Variants in ZNF609 observed in about 807,000 individuals in gnomAD.
ZNF609 encodes zinc finger protein 609.
In ZNF609, 11 loss-of-function variants were observed where a neutral mutation model predicts 109.5. The ratio of observed to expected loss-of-function variants is 0.10; its 90% CI spans 0.06 to 0.17. The LOEUF (loss-of-function observed/expected upper bound fraction) is 0.17, where lower values mean the gene tolerates loss of function less well. Among genes scored for constraint, ZNF609 ranks in the 10% least tolerant of loss-of-function variants. ZNF609 has a pLI of 1.00. For synonymous variants in ZNF609, 646 were observed against 662.0 expected, an observed-to-expected ratio of 0.98 and a Z score of 0.37; for missense variants, 1,559 against 1,772.4, an observed-to-expected ratio of 0.88 and a Z score of 2.16.
intron 3 of ZNF609, among the ~76,000 whole-genome samples, chr15:64,642,498 A>G (rs534669336): frequency 6.7e-6 from 1 of 149,846 alleles, no homozygotes; most frequent in African/African-American, 2.5e-5. Flanking sequence ...ATGACAGTTT[A>G]AAAAAAAAAG....
intron 2 of ZNF609, among the ~76,000 whole-genome samples, chr15:64,522,742 C>T (rs1893910313): frequency 6.6e-6 from 1 of 152,142 alleles, no homozygotes; most frequent in Non-Finnish European, 1.5e-5. Flanking sequence ...GATGAGCTTG[C>T]TCAAGACATA....
chr15:64,579,108 T>TTTA (rs945907564), intron 2 of ZNF609, among the ~76,000 whole-genome samples: 4 of 152,158 alleles, frequency 2.6e-5, no homozygotes, highest in Admixed American at 1.3e-4. Context: ...TTGCTATTTT[T>TTTA]TTATGTCTTT....
chr15:64,579,518 C>G (rs557888854), intron 2 of ZNF609, among the ~76,000 whole-genome samples: 1 of 151,992 alleles, frequency 6.6e-6, no homozygotes, highest in African/African-American at 2.4e-5. Flanking sequence ...CGATACTAGC[C>G]TGGCCAACAT....
chr15:64,639,336 A>C (rs535330787), intron 3 of ZNF609, among the ~76,000 whole-genome samples: 90 of 152,306 alleles, frequency 5.9e-4, no homozygotes, highest in African/African-American at 2.1e-3. Context: ...GTAACAATGT[A>C]CCAAAAACTG....
intron 2 of ZNF609, among the ~76,000 whole-genome samples, chr15:64,598,414 C>A (rs528725593): frequency 6.6e-6 from 1 of 152,202 alleles, no homozygotes; most frequent in Admixed American, 6.5e-5. Flanking sequence ...CCACATCCAG[C>A]CTCTATCTGC....
chr15:64,557,979 C>T (rs536649975), intron 2 of ZNF609, among the ~76,000 whole-genome samples: 6 of 152,202 alleles, frequency 3.9e-5, no homozygotes, highest in South Asian at 4.1e-4. Context: ...CCACCGCGCC[C>T]GGCCGAAAGA....
At chr15:64,500,682 C>T (rs978473126) in intron 2 of ZNF609, 15 of 475,486 alleles carry the variant, frequency 3.2e-5, no homozygotes, top group East Asian at 1.1e-4. Context: ...GTTCTATTGC[C>T]GGCTACCAAA....
chr15:64,645,068 CCTTCCTTCCTTTCTT>C, intron 3 of ZNF609, among the ~76,000 whole-genome samples: 1 of 120,158 alleles, frequency 8.3e-6, no homozygotes. Flanking sequence ...TTCCTTCCTT[CCTTCCTTCCTTTCTT>C]TCCCTCCCTC....
chr15:64,507,990 A>G (rs550221699), intron 2 of ZNF609, among the ~76,000 whole-genome samples: 164 of 152,336 alleles, frequency 1.1e-3, no homozygotes, highest in Non-Finnish European at 2.1e-3. Context: ...CCTATTCCCT[A>G]AAGTCATTCA....
At chr15:64,651,034 G>A (rs958492152) in intron 3 of ZNF609, among the ~76,000 whole-genome samples, 6 of 152,086 alleles carry the variant, frequency 3.9e-5, no homozygotes, top group African/African-American at 1.4e-4. Context: ...GATTTTTTTA[G>A]TAATAGTTTT....
Position 64,675,567 on chromosome 15 carries a change from C to CAGTCCAGCCCTGGGGCTCTGA in ZNF609, c.2715_2735dup (p.Leu911_Asn912insLysSerSerProGlyAlaLeu), listed in dbSNP as rs1209843821. On this transcript the variant is annotated inframe_insertion, in exon 5 of 10. Transcript: ENST00000326648. ...GAGTTACTATTCTCCAAGTTATGCA[C>CAGTCCAGCCCTGGGGCTCTGA]AGTCCAGCCCTGGGGCTCTGAACCC... 1 of 1,614,216 alleles carries CAGTCCAGCCCTGGGGCTCTGA rather than the reference C, an allele frequency of 6.2e-7. No individual in the cohort carries two copies. Among genetic ancestry groups the CAGTCCAGCCCTGGGGCTCTGA allele is most frequent in the Admixed American group, 1.7e-5 (1 of 60,026 alleles).
intron 3 of ZNF609, among the ~76,000 whole-genome samples, chr15:64,636,152 A>G (rs918551488): frequency 6.6e-6 from 1 of 152,066 alleles, no homozygotes; most frequent in Non-Finnish European, 1.5e-5. Context: ...AACCAAGCCC[A>G]TGTACTTTCA....
intron 1 of ZNF609, among the ~76,000 whole-genome samples, chr15:64,473,919 C>CGTACGCCACCAT (rs1893129495): frequency 1.3e-5 from 2 of 151,886 alleles, no homozygotes; most frequent in Admixed American, 6.6e-5. Context: ...TGATTACAGG[C>CGTACGCCACCAT]GCCTGTCATT....
chr15:64,500,490 T>C (rs1025539943), intron 2 of ZNF609: 2 of 629,834 alleles, frequency 3.2e-6, no homozygotes, highest in African/African-American at 3.6e-5. Flanking sequence ...TTGGTAGAGA[T>C]TGGCATCAGA....
At chr15:64,600,360 G>A in intron 2 of ZNF609, among the ~76,000 whole-genome samples, 1 of 147,638 alleles carries the variant, frequency 6.8e-6, no homozygotes, top group East Asian at 2.0e-4. Flanking sequence ...TGAGGCAGGA[G>A]AATGGCATGA....
intron 2 of ZNF609, among the ~76,000 whole-genome samples, chr15:64,613,610 G>C (rs995855851): frequency 6.6e-6 from 1 of 152,110 alleles, no homozygotes; most frequent in Non-Finnish European, 1.5e-5. Flanking sequence ...GAGTGCAGTG[G>C]TGTGATCTCA....
intron 2 of ZNF609, among the ~76,000 whole-genome samples, chr15:64,564,608 TG>T (rs1894744173): frequency 6.6e-6 from 1 of 151,934 alleles, no homozygotes; most frequent in Admixed American, 6.6e-5. Flanking sequence ...TTGTTTTTTG[TG>T]GGGTTTTTTT....
chr15:64,471,106 A>G (rs1310168129), intron 1 of ZNF609, among the ~76,000 whole-genome samples: 1 of 152,158 alleles, frequency 6.6e-6, no homozygotes, highest in Non-Finnish European at 1.5e-5. Flanking sequence ...TCACACCTGT[A>G]ATTCCCGCAC....
At position 64,567,396 on chromosome 15, in the gene ZNF609, C is replaced by T. The variant is rs769993879; in HGVS notation, c.748-55431C>T. Among the ~76,000 whole-genome samples the T allele has an allele frequency of 1.5e-3, 223 of 151,612 alleles. 3 individuals are homozygous for T. The highest frequency in any genetic ancestry group is 1.1e-3 in the Non-Finnish European group (75 of 67,912). On this transcript the variant is annotated intron_variant, in intron 2 of 9. Transcript: ENST00000326648. ...ACTCTGGAGGCTGAGGCAGGAGAAT[C>T]GTTTGAACCCGGGAGGTGGAGGTTA...
Sources: gnomAD v4.1 joint callset for allele counts (sites outside exome capture counted in the v4.1 genomes callset) on GRCh38, gnomAD v4.1.1 for gene constraint, MANE v1.5 for transcripts, NCBI Gene and HGNC (gene_info 2026-07-23, HGNC 2026-07-21) for gene names.